The following AGBL1 variants were observed in gnomAD, a reference collection of about 807,000 sequenced individuals.
AGBL1 encodes the protein cytosolic carboxypeptidase 4.
In AGBL1, 130 loss-of-function variants were observed where a neutral mutation model predicts 118.9. That is an observed-to-expected ratio of 1.09 (90% CI 0.95 to 1.26). The LOEUF (loss-of-function observed/expected upper bound fraction) is 1.26. Among genes scored for constraint, AGBL1 ranks in the 50% most tolerant of loss-of-function variants. The probability of loss-of-function intolerance (pLI) is 0.00; values close to 1 mark genes in which losing one functional copy is unlikely to be tolerated. For synonymous variants in AGBL1, 555 were observed against 478.9 expected (o/e 1.16, Z -2.08); for missense variants, 1,584 against 1,298.1 (o/e 1.22, Z -3.38).
chr15:86,118,609 G>A (rs148795501), intron 1 of AGBL1, among the ~76,000 whole-genome samples: 9 of 152,236 alleles, frequency 5.9e-5, no homozygotes, highest in African/African-American at 1.9e-4. Flanking sequence ...AGAACCCAGT[G>A]TCTTTTTGTT....
At chr15:86,526,572 A>ATATG (rs2083267616) in intron 19 of AGBL1, among the ~76,000 whole-genome samples, 1 of 119,188 alleles carries the variant, frequency 8.4e-6, no homozygotes. Flanking sequence ...ATATATATAT[A>ATATG]TACACACAGA....
At chr15:86,124,065 C>T (rs1898254436) in intron 1 of AGBL1, among the ~76,000 whole-genome samples, 1 of 152,090 alleles carries the variant, frequency 6.6e-6, no homozygotes, top group African/African-American at 2.4e-5. Context: ...TGCAGTGGCT[C>T]ACACTTAGAA....
intron 22 of AGBL1, among the ~76,000 whole-genome samples, chr15:86,804,306 G>A (rs760686128): frequency 6.6e-6 from 1 of 152,098 alleles, no homozygotes; most frequent in Admixed American, 6.6e-5. Context: ...ATTAGAAAAG[G>A]CTTCAGGTGA....
intron 21 of AGBL1, among the ~76,000 whole-genome samples, chr15:86,636,999 A>G (rs776564202): frequency 2.0e-5 from 3 of 151,850 alleles, no homozygotes; most frequent in Non-Finnish European, 4.4e-5. Context: ...CCAGGTATGT[A>G]TACAAGTAAC....
rs571571173 is a variant in AGBL1, at chr15:86,183,550, A to C, written c.488+24524A>C. Reference sequence around the variant, plus strand: ...ATGAGTTTTTTCCTCAAATTTAAAAACAGAAATGACTAAATGACTAGAATA... The same window carrying C: ...ATGAGTTTTTTCCTCAAATTTAAAACCAGAAATGACTAAATGACTAGAATA... On this transcript the variant is annotated intron_variant, in intron 5 of 22. Coordinates refer to ENST00000614907, the MANE Select transcript of AGBL1 (RefSeq NM_001386094.1). Among the ~76,000 whole-genome samples, 3 of 152,296 alleles carry C rather than the reference A, an allele frequency of 2.0e-5. No individual in the cohort carries two copies. In the South Asian group the frequency reaches 6.2e-4, roughly 32 times the overall value.
intron 18 of AGBL1, among the ~76,000 whole-genome samples, chr15:86,432,473 G>A (rs141711008): frequency 6.6e-6 from 1 of 152,280 alleles, no homozygotes; most frequent in East Asian, 1.9e-4. Flanking sequence ...GTGTTAGTGT[G>A]TATTTTTGGG....
At chr15:86,989,955 A>G (rs1339936256) in intron 24 of AGBL1, among the ~76,000 whole-genome samples, 1 of 152,220 alleles carries the variant, frequency 6.6e-6, no homozygotes, top group Non-Finnish European at 1.5e-5. Context: ...GGTTCTATAA[A>G]GTCAAAGACA....
intron 22 of AGBL1, among the ~76,000 whole-genome samples, chr15:86,865,118 GTGAACGGTGAA>G (rs1233168169): frequency 2.6e-5 from 4 of 152,160 alleles, no homozygotes; most frequent in Non-Finnish European, 4.4e-5. Flanking sequence ...TAGCTGTTGG[GTGAACGGTGAA>G]TGAACACAAC....
chr15:86,143,797 G>C lies in AGBL1; in HGVS notation c.214G>C (p.Asp72His), dbSNP rs1205330149. 1 of 1,613,876 alleles carries C rather than the reference G, an allele frequency of 6.2e-7. No individual in the cohort carries two copies. Among genetic ancestry groups the C allele is most frequent in the Non-Finnish European group, 8.5e-7 (1 of 1,179,804 alleles). Residue 72 changes from aspartate (D) to histidine (H), a missense_variant, in exon 3 of 23, where the codon GAC becomes CAC. Transcript: ENST00000614907. ...DTARTAPPDY[D>H]ILLPLFRLLA... ...AGCGAGGACAGCTCCTCCAGACTAT[G>C]ACATCCTCCTGCCTCTCTTCCGGCT...
At chr15:86,470,635 AT>A (rs1314536589) in intron 18 of AGBL1, among the ~76,000 whole-genome samples, 9 of 152,170 alleles carry the variant, frequency 5.9e-5, no homozygotes, top group African/African-American at 7.2e-5. Flanking sequence ...TAGCATGGAC[AT>A]TTTAGCAATA....
chr15:86,992,441 A>G (rs934643785), intron 24 of AGBL1, among the ~76,000 whole-genome samples: 2 of 152,208 alleles, frequency 1.3e-5, no homozygotes, highest in South Asian at 2.1e-4. Context: ...TGCACTTTTC[A>G]TCTCTAGTAA....
intron 24 of AGBL1, among the ~76,000 whole-genome samples, chr15:86,995,936 T>A (rs1315884898): frequency 6.6e-6 from 1 of 152,184 alleles, no homozygotes. Context: ...CATTCTGAAA[T>A]TATTCGAAAC....
intron 22 of AGBL1, among the ~76,000 whole-genome samples, chr15:86,864,860 GCAAT>G (rs1207189239): frequency 1.3e-5 from 2 of 152,176 alleles, no homozygotes; most frequent in Non-Finnish European, 2.9e-5. Context: ...AAAGCATTCT[GCAAT>G]CAGTCTTATT....
At chr15:86,788,409 A>C (rs946271953) in intron 22 of AGBL1, among the ~76,000 whole-genome samples, 6 of 152,204 alleles carry the variant, frequency 3.9e-5, no homozygotes, top group African/African-American at 1.4e-4. Context: ...GGATTGTTAA[A>C]AGACTCATCT....
chr15:86,597,516 A>G (rs939518865), intron 21 of AGBL1, among the ~76,000 whole-genome samples: 1 of 152,186 alleles, frequency 6.6e-6, no homozygotes, highest in Non-Finnish European at 1.5e-5. Context: ...GTGTACCACT[A>G]GAAGTATAAG....
At chr15:86,518,593 A>G (rs1394853784) in intron 18 of AGBL1, among the ~76,000 whole-genome samples, 1 of 152,152 alleles carries the variant, frequency 6.6e-6, no homozygotes, top group African/African-American at 2.4e-5. Flanking sequence ...CAAAAACCTC[A>G]GTTTTAAGGA....
intron 17 of AGBL1, among the ~76,000 whole-genome samples, chr15:86,387,410 C>A (rs1382367154): frequency 2.0e-5 from 3 of 152,062 alleles, no homozygotes; most frequent in Admixed American, 6.6e-5. Context: ...AGTGTGTTAC[C>A]TGGAAGATGA....
At chr15:86,809,755 T>C (rs1369245374) in intron 22 of AGBL1, among the ~76,000 whole-genome samples, 3 of 152,162 alleles carry the variant, frequency 2.0e-5, no homozygotes, top group Non-Finnish European at 2.9e-5. Context: ...TAAGAACCCA[T>C]TCATCTATAT....
chr15:86,696,379 C>A (rs1240780677), intron 22 of AGBL1, among the ~76,000 whole-genome samples: 1 of 151,758 alleles, frequency 6.6e-6, no homozygotes, highest in Non-Finnish European at 1.5e-5. Flanking sequence ...AAGTTTGTTT[C>A]ATCTGATATA....
Sources: gnomAD v4.1 joint callset for allele counts (sites outside exome capture counted in the v4.1 genomes callset) on GRCh38, gnomAD v4.1.1 for gene constraint, MANE v1.5 for transcripts, NCBI Gene and HGNC (gene_info 2026-07-23, HGNC 2026-07-21) for gene names.